The following LNPK variants were observed in gnomAD, a reference collection of about 807,000 sequenced individuals.
LNPK encodes lunapark, ER junction formation factor.
LNPK carries 29 observed loss-of-function variants against 55.2 expected under a neutral mutation model. The observed-to-expected ratio is 0.53, with a 90% CI of 0.39 to 0.72. The LOEUF (loss-of-function observed/expected upper bound fraction) is 0.72. LNPK is among the 30% of genes least tolerant of loss of function. The pLI is 0.00. For synonymous variants in LNPK, 162 were observed against 168.2 expected, an observed-to-expected ratio of 0.96 and a Z score of 0.29; for missense variants, 467 against 494.8, an observed-to-expected ratio of 0.94 and a Z score of 0.53.
intron 12 of LNPK, among the ~76,000 whole-genome samples, chr2:175,936,437 C>T (rs1389546441): frequency 6.6e-6 from 1 of 152,128 alleles, no homozygotes; most frequent in East Asian, 1.9e-4. Flanking sequence ...ATATCAAATA[C>T]ATGTAAACGA....
intron 9 of LNPK, among the ~76,000 whole-genome samples, chr2:175,942,302 T>C (rs975519902): frequency 2.0e-5 from 3 of 152,216 alleles, no homozygotes; most frequent in African/African-American, 7.2e-5. Context: ...GCAAATACTA[T>C]GCCATTTCTT....
At position 176,002,259 on chromosome 2, in the gene LNPK, CA is replaced by C. The variant is rs1381611390; in HGVS notation, c.-163del. On this transcript the variant is annotated 5_prime_UTR_variant, in exon 1 of 13. Coordinates refer to ENST00000272748, the MANE Select transcript of LNPK (RefSeq NM_030650.3). The stretch of plus-strand genomic sequence containing the variant: ...CAGAGCAGGCAGCAGCCGCCACTGA[CA>C]GAGAGACAAGCCGGGCCAACTCCTT... 2.2e-6 allele frequency: 1 copy of C among 450,122 alleles called. No individual in the cohort carries two copies. Among genetic ancestry groups the C allele is most frequent in the Non-Finnish European group, 4.4e-6 (1 of 225,122 alleles). 27.9% of individuals were successfully genotyped at this position (450,122 alleles called of 1,614,324 possible).
intron 11 of LNPK, 86 bp from the exon 12 acceptor site, chr2:175,937,600 C>A: frequency 1.1e-6 from 1 of 928,290 alleles, no homozygotes; most frequent in East Asian, 2.6e-5. Flanking sequence ...ATCACTTTTG[C>A]AGATATTCAA....
intron 6 of LNPK, chr2:175,967,610 A>T: frequency 1.0e-6 from 1 of 978,806 alleles, no homozygotes; most frequent in Non-Finnish European, 1.2e-6. Flanking sequence ...AGTATTAGGG[A>T]GCATGTTATA....
At chr2:175,990,938 G>A (rs1687673216) in intron 4 of LNPK, among the ~76,000 whole-genome samples, 1 of 151,976 alleles carries the variant, frequency 6.6e-6, no homozygotes. Context: ...CAGAAAGACT[G>A]AATTGAAGAA....
At chr2:175,998,905 C>A (rs535320897) in intron 1 of LNPK, among the ~76,000 whole-genome samples, 170 of 152,318 alleles carry the variant, frequency 1.1e-3, no homozygotes, top group Non-Finnish European at 1.8e-3. Context: ...CATAATATCA[C>A]TATACCAATT....
intron 6 of LNPK, among the ~76,000 whole-genome samples, chr2:175,968,602 A>G (rs1229114055): frequency 6.6e-6 from 1 of 152,192 alleles, no homozygotes; most frequent in Non-Finnish European, 1.5e-5. Flanking sequence ...TTTTTAGATA[A>G]CTAAAGATTA....
intron 9 of LNPK, among the ~76,000 whole-genome samples, chr2:175,941,813 AG>A: frequency 1.3e-5 from 2 of 148,984 alleles, no homozygotes; most frequent in African/African-American, 2.5e-5. Context: ...AAAAAGAAAA[AG>A]AAAAAGAAGA....
At chr2:175,946,449 G>C (rs948431188) in intron 9 of LNPK, among the ~76,000 whole-genome samples, 3 of 151,970 alleles carry the variant, frequency 2.0e-5, no homozygotes, top group Admixed American at 2.0e-4. Flanking sequence ...ATTGTTTTAT[G>C]TAACTATTTT....
intron 5 of LNPK, among the ~76,000 whole-genome samples, chr2:175,978,737 G>A (rs1264158665): frequency 6.6e-6 from 1 of 152,178 alleles, no homozygotes; most frequent in African/African-American, 2.4e-5. Context: ...AAGTTTAGCT[G>A]CTTCAATGAG....
At chr2:175,968,528 A>T (rs1686484592) in intron 6 of LNPK, among the ~76,000 whole-genome samples, 1 of 152,180 alleles carries the variant, frequency 6.6e-6, no homozygotes. Context: ...TAAAAACTCA[A>T]GTTTTGTTAA....
At chr2:175,944,789 T>A (rs549133044) in intron 9 of LNPK, among the ~76,000 whole-genome samples, 24 of 152,162 alleles carry the variant, frequency 1.6e-4, no homozygotes, top group Non-Finnish European at 2.9e-4. Context: ...TTTAAAGGAA[T>A]AAAAAGGAAA....
chr2:176,002,336 GC>G (rs1047233274), upstream of LNPK: 3 of 419,422 alleles, frequency 7.2e-6, no homozygotes, highest in African/African-American at 6.3e-5. Flanking sequence ...CGCGGTCGGC[GC>G]GCGCCGCTCC....
chr2:175,944,681 A>G (rs1212481533), intron 9 of LNPK, among the ~76,000 whole-genome samples: 1 of 152,202 alleles, frequency 6.6e-6, no homozygotes, highest in Non-Finnish European at 1.5e-5. Flanking sequence ...GCCCTGCAAT[A>G]TAGGGATACA....
chr2:175,936,922 T>C (rs1232601831), intron 12 of LNPK, among the ~76,000 whole-genome samples: 1 of 152,210 alleles, frequency 6.6e-6, no homozygotes, highest in East Asian at 1.9e-4. Flanking sequence ...TTTCTGGTAA[T>C]TTCTACCAAT....
chr2:175,951,472 G>A (rs1030667857), intron 8 of LNPK, among the ~76,000 whole-genome samples: 1 of 151,144 alleles, frequency 6.6e-6, no homozygotes, highest in African/African-American at 2.4e-5. Flanking sequence ...TACGATGTTT[G>A]GTTTTCCATT....
chr2:175,933,939 G>A (rs866028561), intron 12 of LNPK, among the ~76,000 whole-genome samples: 1 of 152,058 alleles, frequency 6.6e-6, no homozygotes, highest in Non-Finnish European at 1.5e-5. Context: ...CACAATATCG[G>A]CCAGGCTGGT....
chr2:175,931,753 T>C (rs544999960), intron 12 of LNPK, among the ~76,000 whole-genome samples: 1 of 152,176 alleles, frequency 6.6e-6, no homozygotes, highest in Non-Finnish European at 1.5e-5. Flanking sequence ...AGTAAGTCAC[T>C]TGAATTTTGT....
rs1385304024 is a variant in LNPK at position 175,928,537 on chromosome 2, CAT to C, written c.*1428_*1429del. 7.0e-6 allele frequency: 1 copy of C among 143,328 alleles called. No individual in the cohort carries two copies. Among genetic ancestry groups the C allele is most frequent in the Non-Finnish European group, 1.5e-5 (1 of 66,146 alleles). The allele number at this position is 143,328 out of a possible 1,614,324, so 8.9% of individuals were successfully genotyped here. A position where few individuals can be genotyped will look rare whatever the true frequency, so the allele number is the denominator to read the frequency against. ...AAAAAAAAAAAAAAAAAAACTGTCA[CAT>C]ATGAGATATTAAATCATAAAAATAG... On this transcript the variant is annotated 3_prime_UTR_variant, in exon 13 of 13. Transcript: ENST00000272748.
Sources: gnomAD v4.1 joint callset for allele counts (sites outside exome capture counted in the v4.1 genomes callset) on GRCh38, gnomAD v4.1.1 for gene constraint, MANE v1.5 for transcripts, NCBI Gene and HGNC (gene_info 2026-07-23, HGNC 2026-07-21) for gene names.